SPECC1: variants seen among roughly 807,000 people sequenced by gnomAD.
SPECC1 encodes sperm antigen with calponin homology and coiled-coil domains 1, also known as cytospin-B.
SPECC1 carries 62 observed loss-of-function variants against 104.1 expected under a neutral mutation model. The ratio of observed to expected loss-of-function variants is 0.60; its 90% CI spans 0.49 to 0.74. The LOEUF (loss-of-function observed/expected upper bound fraction) is 0.74, where lower values mean the gene tolerates loss of function less well. Ranked by LOEUF, SPECC1 falls within the 30% of genes least tolerant of loss-of-function variation. The pLI is 0.00. For missense variants in SPECC1, 1,306 were observed against 1,310.5 expected, an observed-to-expected ratio of 1.00 and a Z score of 0.05; for synonymous variants, 513 against 501.6, an observed-to-expected ratio of 1.02 and a Z score of -0.30.
chr17:20,151,236 A>C lies in SPECC1; in HGVS notation c.283+40674A>C, dbSNP rs545839599. Among the ~76,000 whole-genome samples, 29 of 152,260 alleles carry C rather than the reference A, an allele frequency of 1.9e-4. 1 individual carries two copies. In the South Asian group the frequency reaches 6.0e-3, roughly 32 times the overall value. On this transcript the variant is annotated intron_variant, in intron 3 of 14. Transcript: ENST00000395527. ...AAGCTATACTGTACTTCAAATTTTG[A>C]ATTTTGATCTTTTACCAGGCTAGTG... is the stretch of plus-strand genomic sequence containing the variant.
At chr17:20,300,530 C>T (rs2041539667) in intron 13 of SPECC1, among the ~76,000 whole-genome samples, 1 of 152,260 alleles carries the variant, frequency 6.6e-6, no homozygotes. Flanking sequence ...CTGCAGTCAT[C>T]CAGACAGACT....
chr17:20,279,615 C>T (rs557957936), intron 12 of SPECC1, among the ~76,000 whole-genome samples: 2 of 152,288 alleles, frequency 1.3e-5, no homozygotes, highest in South Asian at 4.1e-4. Flanking sequence ...AGCCACCGCG[C>T]CCAGCCTTGA....
At chr17:20,298,623 C>T (rs892400558) in intron 13 of SPECC1, among the ~76,000 whole-genome samples, 18 of 152,052 alleles carry the variant, frequency 1.2e-4, no homozygotes, top group African/African-American at 2.7e-4. Flanking sequence ...GTGGTAGCAA[C>T]GCAGACGGAA....
At chr17:20,063,568 C>G (rs2046262006) in intron 1 of SPECC1, among the ~76,000 whole-genome samples, 1 of 152,164 alleles carries the variant, frequency 6.6e-6, no homozygotes, top group South Asian at 2.1e-4. Context: ...ATCCTGCTTT[C>G]TGTGGACTCA....
At chr17:20,129,086 G>T (rs749133672) in intron 3 of SPECC1, among the ~76,000 whole-genome samples, 1 of 151,860 alleles carries the variant, frequency 6.6e-6, no homozygotes, top group African/African-American at 2.4e-5. Context: ...GTAGAGACAG[G>T]TGCTCACTAT....
chr17:20,217,649 T>A (rs2037587268), intron 4 of SPECC1, among the ~76,000 whole-genome samples: 1 of 152,212 alleles, frequency 6.6e-6, no homozygotes, highest in South Asian at 2.1e-4. Flanking sequence ...AAGGCCACAG[T>A]CTGCCCCAGG....
intron 4 of SPECC1, among the ~76,000 whole-genome samples, chr17:20,213,973 C>T (rs2037324461): frequency 6.6e-6 from 1 of 152,162 alleles, no homozygotes; most frequent in Non-Finnish European, 1.5e-5. Flanking sequence ...GTGCAACCAT[C>T]ACTACAATCA....
At chr17:20,304,679 G>C (rs940058744) in intron 13 of SPECC1, among the ~76,000 whole-genome samples, 4 of 152,126 alleles carry the variant, frequency 2.6e-5, no homozygotes, top group African/African-American at 9.7e-5. Flanking sequence ...AGGAACCTAG[G>C]CAATAGAATG....
chr17:20,117,746 AATAT>A (rs998898455), intron 3 of SPECC1, among the ~76,000 whole-genome samples: 42 of 151,382 alleles, frequency 2.8e-4, no homozygotes, highest in African/African-American at 1.0e-3. Flanking sequence ...ATATAATAGA[AATAT>A]ATATAGCGCC....
chr17:20,175,057 G>A (rs1341401177), intron 3 of SPECC1, among the ~76,000 whole-genome samples: 2 of 152,166 alleles, frequency 1.3e-5, no homozygotes, highest in Non-Finnish European at 2.9e-5. Flanking sequence ...GCCTGGGGCC[G>A]CCTCTGTGCT....
chr17:20,307,533 C>T (rs2041804342), intron 14 of SPECC1, among the ~76,000 whole-genome samples: 1 of 152,208 alleles, frequency 6.6e-6, no homozygotes, highest in Non-Finnish European at 1.5e-5. Flanking sequence ...ATTGGCAGTA[C>T]TCTGTTACAT....
At chr17:20,105,060 C>T (rs2048129298) in intron 2 of SPECC1, among the ~76,000 whole-genome samples, 1 of 151,280 alleles carries the variant, frequency 6.6e-6, no homozygotes, top group Admixed American at 6.6e-5. Context: ...TAACTAAGGG[C>T]ACAACTCTAG....
At chr17:20,052,680 C>T (rs1210152094) in intron 1 of SPECC1, among the ~76,000 whole-genome samples, 1 of 152,192 alleles carries the variant, frequency 6.6e-6, no homozygotes, top group Non-Finnish European at 1.5e-5. Flanking sequence ...GGCATCACTT[C>T]TTAGATACGT....
rs548417959 is a variant in SPECC1 at position 20,100,750 on chromosome 17, A to G, written c.147+3952A>G. Reference sequence around the variant, plus strand: ...GCCATGGTGCTTTGCTGTGCCTATCAACCAGTCATCTAGATTTTAAGCCCC... The same window carrying G: ...GCCATGGTGCTTTGCTGTGCCTATCGACCAGTCATCTAGATTTTAAGCCCC... On this transcript the variant is annotated intron_variant, in intron 2 of 14. Coordinates refer to ENST00000395527, the MANE Select transcript of SPECC1 (RefSeq NM_001243439.2). Among the ~76,000 whole-genome samples the G allele has an allele frequency of 3.3e-5, 5 of 152,292 alleles. No homozygotes were observed. The East Asian group carries it at 9.6e-4, about 29-fold the overall frequency.
At chr17:20,077,764 G>A (rs1765566329) in intron 1 of SPECC1, among the ~76,000 whole-genome samples, 1 of 152,162 alleles carries the variant, frequency 6.6e-6, no homozygotes, top group Admixed American at 6.5e-5. Flanking sequence ...ACCGCACCTA[G>A]CCTGTTGCTT....
At chr17:20,283,125 A>G (rs140448663) in intron 12 of SPECC1, among the ~76,000 whole-genome samples, 347 of 152,342 alleles carry the variant, frequency 2.3e-3, no homozygotes, top group Non-Finnish European at 3.8e-3. Flanking sequence ...TTGAGGCTAC[A>G]GTGAGCCCTG....
chr17:20,239,211 T>G, intron 7 of SPECC1: 1 of 1,018,062 alleles, frequency 9.8e-7, no homozygotes. Context: ...AATAGATTGA[T>G]GATTTAATGT....
intron 7 of SPECC1, 159 bp downstream of exon 7, chr17:20,232,564 G>T (rs2038663530): frequency 3.8e-6 from 3 of 796,870 alleles, no homozygotes; most frequent in Admixed American, 2.8e-5. Flanking sequence ...GGAACATTCT[G>T]TACAGTACCC....
At chr17:20,236,858 A>T in intron 7 of SPECC1, 1 of 1,613,850 alleles carries the variant, frequency 6.2e-7, no homozygotes, top group East Asian at 2.2e-5. Flanking sequence ...CTATTTTCAC[A>T]GCTCCCTGGG....
Sources: gnomAD v4.1 joint callset for allele counts (sites outside exome capture counted in the v4.1 genomes callset) on GRCh38, gnomAD v4.1.1 for gene constraint, MANE v1.5 for transcripts, NCBI Gene and HGNC (gene_info 2026-07-23, HGNC 2026-07-21) for gene names.